The following LRRFIP1 variants were observed in gnomAD, a reference collection of about 807,000 sequenced individuals.
LRRFIP1 encodes the protein leucine-rich repeat flightless-interacting protein 1.
LRRFIP1 carries 62 observed loss-of-function variants against 104.4 expected under a neutral mutation model. The ratio of observed to expected loss-of-function variants is 0.59; its 90% CI spans 0.48 to 0.73. LRRFIP1 has a LOEUF of 0.73. LRRFIP1 is among the 30% of genes least tolerant of loss of function. The pLI is 0.00. For synonymous variants in LRRFIP1, 300 were observed against 299.0 expected, an observed-to-expected ratio of 1.00 and a Z score of -0.03; for missense variants, 796 against 824.5, an observed-to-expected ratio of 0.97 and a Z score of 0.42.
chr2:237,756,748 TAGAC>T lies in LRRFIP1; in HGVS notation c.1131+565_1131+568del, dbSNP rs1414429415. On this transcript the variant is annotated intron_variant, in intron 16 of 23. Coordinates refer to ENST00000308482, the MANE Select transcript of LRRFIP1 (RefSeq NM_001137550.2). The stretch of plus-strand genomic sequence containing the variant: ...CTTGTATTTGTTTGGGGAGGTGTGG[TAGAC>T]AGAATAATGGTCCCCCGAAGTTGCC... 8.7e-4 allele frequency among the ~76,000 whole-genome samples: 132 copies of T among 152,304 alleles called. 1 individual carries two copies. Among genetic ancestry groups the T allele is most frequent in the Non-Finnish European group, 1.5e-5 (1 of 68,036 alleles).
Position 237,704,227 on chromosome 2 carries a change from A to G in LRRFIP1, c.97-4317A>G, listed in dbSNP as rs187002857. 8.9e-3 allele frequency among the ~76,000 whole-genome samples: 1,282 copies of G among 144,036 alleles called. 11 individuals are homozygous for G. The highest frequency in any genetic ancestry group is 0.012 in the Non-Finnish European group (818 of 67,042). The allele number at this position is 144,036 out of a possible 152,430, so 94.5% of individuals were successfully genotyped here. The stretch of plus-strand genomic sequence containing the variant: ...GAGTGCAGTGGTGCAATCTTGGCTC[A>G]CCGCAACCTCCACCTCCCAGGTTCA... On this transcript the variant is annotated intron_variant, in intron 1 of 23. Transcript: ENST00000308482.
chr2:237,750,025 G>A (rs2058383945), intron 13 of LRRFIP1, among the ~76,000 whole-genome samples: 2 of 152,154 alleles, frequency 1.3e-5, no homozygotes, highest in African/African-American at 2.4e-5. Context: ...GACAGAAGCA[G>A]CTGAAAGGAG....
rs1030561285 is a variant in LRRFIP1, at chr2:237,680,995, CAAT to C, written c.97-27548_97-27546del. On this transcript the variant is annotated intron_variant, in intron 1 of 23. Coordinates refer to ENST00000308482, the MANE Select transcript of LRRFIP1 (RefSeq NM_001137550.2). Reference sequence around the variant, plus strand: ...GACCCTGTGTCAAAAACAACAACAACAATGACAAAAAGAAAAAAAACAAATAGA... The same window carrying C: ...GACCCTGTGTCAAAAACAACAACAACGACAAAAAGAAAAAAAACAAATAGA... 1.6e-4 allele frequency among the ~76,000 whole-genome samples: 25 copies of C among 152,050 alleles called. No individual in the cohort carries two copies. In the East Asian group the frequency reaches 4.1e-3, roughly 25 times the overall value.
chr2:237,690,589 G>A (rs2149738286), intron 1 of LRRFIP1, among the ~76,000 whole-genome samples: 1 of 151,916 alleles, frequency 6.6e-6, no homozygotes, highest in South Asian at 2.1e-4. Context: ...ATACAAAAAT[G>A]AGCCGGGCAT....
chr2:237,770,954 GGAGAAA>G (rs72239561), intron 20 of LRRFIP1, among the ~76,000 whole-genome samples: 3,158 of 152,200 alleles, frequency 0.021, 108 homozygotes, highest in African/African-American at 0.072. Flanking sequence ...TCCGAAAATT[GGAGAAA>G]GCACTAAATA....
At chr2:237,749,790 A>G (rs80254407) in intron 13 of LRRFIP1, among the ~76,000 whole-genome samples, 4,885 of 152,018 alleles carry the variant, frequency 0.032, 259 homozygotes, top group African/African-American at 0.11. Flanking sequence ...AGTAGCCCTC[A>G]TCTTTGTATT....
intron 1 of LRRFIP1, among the ~76,000 whole-genome samples, chr2:237,701,632 C>A (rs985008804): frequency 6.6e-6 from 1 of 152,208 alleles, no homozygotes; most frequent in African/African-American, 2.4e-5. Flanking sequence ...AGCTGGGAAT[C>A]TCTGGGGCTC....
At chr2:237,718,031 C>G (rs1047411507) in intron 4 of LRRFIP1, among the ~76,000 whole-genome samples, 2 of 152,204 alleles carry the variant, frequency 1.3e-5, no homozygotes, top group African/African-American at 4.8e-5. Flanking sequence ...CCTGGTCTTG[C>G]CTGTTTGGTA....
chr2:237,694,298 G>A (rs778106660), intron 1 of LRRFIP1, among the ~76,000 whole-genome samples: 9 of 152,216 alleles, frequency 5.9e-5, no homozygotes, highest in Non-Finnish European at 1.3e-4. Flanking sequence ...ATGGCCCCAA[G>A]GGTTTTCAGA....
At chr2:237,643,377 G>A (rs76654255) in intron 1 of LRRFIP1, among the ~76,000 whole-genome samples, 2,062 of 152,324 alleles carry the variant, frequency 0.014, 41 homozygotes, top group African/African-American at 0.047. Flanking sequence ...CGATTCTGGC[G>A]CACCCTCGCC....
At chr2:237,708,724 T>C (rs1028736601) in intron 2 of LRRFIP1, 94 bp downstream of exon 2, 15 of 1,342,374 alleles carry the variant, frequency 1.1e-5, no homozygotes, top group Non-Finnish European at 1.5e-5. Flanking sequence ...CAGACGCACC[T>C]GGCTGTCTCA....
chr2:237,713,333 A>G (rs1016441217), intron 2 of LRRFIP1, among the ~76,000 whole-genome samples: 2 of 152,170 alleles, frequency 1.3e-5, no homozygotes, highest in Non-Finnish European at 2.9e-5. Context: ...TTAAAAGGAT[A>G]TGAGCTCTTT....
chr2:237,645,348 G>T (rs1466235689), intron 1 of LRRFIP1, among the ~76,000 whole-genome samples: 1 of 152,180 alleles, frequency 6.6e-6, no homozygotes, highest in Non-Finnish European at 1.5e-5. Flanking sequence ...CCGTGCCCCT[G>T]GCTGTGTTCC....
chr2:237,699,361 CT>C (rs539273150), intron 1 of LRRFIP1, among the ~76,000 whole-genome samples: 146 of 106,060 alleles, frequency 1.4e-3, no homozygotes, highest in East Asian at 4.4e-3. Context: ...TTTTTTTTTT[CT>C]TTTTTTTTGA....
chr2:237,754,262 GAC>G (rs1380107431), intron 15 of LRRFIP1, among the ~76,000 whole-genome samples: 1 of 152,178 alleles, frequency 6.6e-6, no homozygotes, highest in Non-Finnish European at 1.5e-5. Context: ...ATTGGGAAAA[GAC>G]ACAGTTACTC....
Position 237,751,179 on chromosome 2 carries a change from C to CT in LRRFIP1, c.796-15dup, listed in dbSNP as rs952627118. On this transcript the variant is annotated intron_variant, in intron 13 of 23. Coordinates refer to ENST00000308482, the MANE Select transcript of LRRFIP1 (RefSeq NM_001137550.2). ...CCTGTTTTCCCTTGACATCATCTGC[C>CT]TTTTTTGCCATTTCCCCCAGGAACT... The CT allele has an allele frequency of 3.8e-6, 6 of 1,586,118 alleles. No homozygotes were observed. The African/African-American group carries it at 5.4e-5, about 14-fold the overall frequency.
intron 7 of LRRFIP1, among the ~76,000 whole-genome samples, chr2:237,723,903 T>C (rs1419279081): frequency 6.6e-6 from 1 of 152,258 alleles, no homozygotes; most frequent in Admixed American, 6.5e-5. Context: ...AAAAAGATAG[T>C]GTCTGCCTTC....
intron 11 of LRRFIP1, among the ~76,000 whole-genome samples, chr2:237,745,337 G>A (rs55994333): frequency 0.063 from 9,529 of 152,296 alleles, 391 homozygotes; most frequent in Middle Eastern, 0.12. Flanking sequence ...AGATAGGTTA[G>A]ACGTTCATTT....
intron 8 of LRRFIP1, among the ~76,000 whole-genome samples, chr2:237,728,404 A>G (rs558151187): frequency 2.6e-5 from 4 of 152,258 alleles, no homozygotes; most frequent in South Asian, 2.1e-4. Context: ...GAATAAAACA[A>G]TGCAGATGCT....
Sources: allele counts gnomAD v4.1 joint callset (sites outside exome capture counted in the v4.1 genomes callset), GRCh38; gene constraint gnomAD v4.1.1; transcripts MANE v1.5; gene names NCBI Gene and HGNC (gene_info 2026-07-23, HGNC 2026-07-21).